ATF2: variants seen among roughly 807,000 people sequenced by gnomAD.
ATF2 encodes activating transcription factor 2.
Under a neutral mutation model 60.6 loss-of-function variants are expected in ATF2, and 24 were observed. That is an observed-to-expected ratio of 0.40 (90% CI 0.29 to 0.56). The LOEUF (loss-of-function observed/expected upper bound fraction) is 0.56, where lower values mean the gene tolerates loss of function less well. Ranked by LOEUF, ATF2 falls within the 20% of genes least tolerant of loss-of-function variation. ATF2 has a pLI of 0.54. For synonymous variants in ATF2, 206 were observed against 215.4 expected (o/e 0.96, Z 0.38); for missense variants, 433 against 607.7 (o/e 0.71, Z 3.02).
intron 2 of ATF2, among the ~76,000 whole-genome samples, chr2:175,141,325 T>C (rs890035620): frequency 6.6e-6 from 1 of 151,734 alleles, no homozygotes; most frequent in African/African-American, 2.4e-5. Flanking sequence ...TTTCCAGGTT[T>C]GAAATGGCAA....
chr2:175,133,148 C>A (rs1284017842), intron 3 of ATF2, among the ~76,000 whole-genome samples: 1 of 151,034 alleles, frequency 6.6e-6, no homozygotes, highest in Non-Finnish European at 1.5e-5. Context: ...TGTGTAGAAA[C>A]TGAAAAATCT....
chr2:175,130,985 CA>C (rs1294486365), intron 3 of ATF2, among the ~76,000 whole-genome samples: 14 of 151,500 alleles, frequency 9.2e-5, no homozygotes, highest in African/African-American at 3.4e-4. Context: ...AAACTTTTGC[CA>C]AAGATTTGAT....
intron 3 of ATF2, among the ~76,000 whole-genome samples, chr2:175,135,006 T>TAAAAA (rs60122560): frequency 1.0e-4 from 9 of 85,782 alleles, no homozygotes; most frequent in Non-Finnish European, 1.9e-4. Context: ...CCCATCTCTT[T>TAAAAA]AAAAAAAAAA....
intron 2 of ATF2, among the ~76,000 whole-genome samples, chr2:175,148,292 G>A (rs780395584): frequency 6.6e-6 from 1 of 152,036 alleles, no homozygotes; most frequent in Non-Finnish European, 1.5e-5. Flanking sequence ...CCTGGAGAGG[G>A]CCCTGAAATG....
chr2:175,146,505 TAGA>T (rs976446594), intron 2 of ATF2, among the ~76,000 whole-genome samples: 20 of 152,334 alleles, frequency 1.3e-4, no homozygotes, highest in Admixed American at 8.5e-4. Context: ...TAAAAACTTA[TAGA>T]AGGAGTTTAA....
At chr2:175,137,367 C>T (rs908965491) in intron 2 of ATF2, among the ~76,000 whole-genome samples, 1 of 152,088 alleles carries the variant, frequency 6.6e-6, no homozygotes, top group African/African-American at 2.4e-5. Flanking sequence ...AAAAAGAACA[C>T]TAGAAAAATC....
chr2:175,153,743 A>G (rs1419857604), intron 1 of ATF2, among the ~76,000 whole-genome samples: 1 of 151,228 alleles, frequency 6.6e-6, no homozygotes, highest in Non-Finnish European at 1.5e-5. Flanking sequence ...GGCAGAGGAG[A>G]ATCGCTTGAA....
chr2:175,083,020 T>C (rs1348729316), intron 12 of ATF2, among the ~76,000 whole-genome samples: 1 of 152,038 alleles, frequency 6.6e-6, no homozygotes, highest in East Asian at 1.9e-4. Context: ...TGGAAGAACA[T>C]TCCATGCTCA....
At chr2:175,109,186 A>G (rs934205149) in intron 10 of ATF2, among the ~76,000 whole-genome samples, 7 of 151,198 alleles carry the variant, frequency 4.6e-5, no homozygotes, top group Non-Finnish European at 5.9e-5. Context: ...AAAAAAAAAA[A>G]AAAAAAAGAC....
intron 4 of ATF2, among the ~76,000 whole-genome samples, chr2:175,124,448 C>T (rs1697183818): frequency 6.6e-6 from 1 of 151,728 alleles, no homozygotes; most frequent in Non-Finnish European, 1.5e-5. Context: ...AAGGCTTGAC[C>T]ACTCTCACCA....
chr2:175,134,875 A>G (rs187079073), intron 3 of ATF2, among the ~76,000 whole-genome samples: 113 of 151,836 alleles, frequency 7.4e-4, no homozygotes, highest in African/African-American at 2.7e-3. Context: ...ATGGTGGTGT[A>G]CACCTGTAGT....
In ATF2 at chr2:175,082,996, A is replaced by T. The variant is rs374708505; in HGVS notation, c.1186-2231T>A. Among the ~76,000 whole-genome samples, 7 of 152,286 alleles carry T rather than the reference A, an allele frequency of 4.6e-5. No individual in the cohort carries two copies. In the East Asian group the frequency reaches 7.7e-4, roughly 17 times the overall value. The stretch of plus-strand genomic sequence containing the variant: ...AAACCACTGCTCAATGAAATAAAAG[A>T]GGATACAAACAAATGGAAGAACATT... On this transcript the variant is annotated intron_variant, in intron 12 of 13. Coordinates refer to ENST00000264110, the MANE Select transcript of ATF2 (RefSeq NM_001880.4).
chr2:175,092,810 G>A (rs545789326), intron 12 of ATF2, among the ~76,000 whole-genome samples: 3 of 152,040 alleles, frequency 2.0e-5, no homozygotes, highest in Admixed American at 6.5e-5. Flanking sequence ...AGTTCAAACC[G>A]GATAGTTTAG....
At chr2:175,130,093 A>G (rs775791827) in intron 4 of ATF2, 45 bp downstream of exon 4, 27 of 1,308,778 alleles carry the variant, frequency 2.1e-5, no homozygotes, top group East Asian at 5.1e-5. Context: ...CAATGTTTTA[A>G]TAAGTGGAAA....
At chr2:175,092,118 C>A (rs1468697805) in intron 12 of ATF2, among the ~76,000 whole-genome samples, 9 of 152,158 alleles carry the variant, frequency 5.9e-5, no homozygotes, top group Non-Finnish European at 1.3e-4. Context: ...ATAAAACTTA[C>A]ATTTGGTTAA....
chr2:175,159,175 C>A (rs62184527), intron 1 of ATF2, among the ~76,000 whole-genome samples: 5 of 151,984 alleles, frequency 3.3e-5, no homozygotes, highest in Admixed American at 2.6e-4. Flanking sequence ...AAAAAATCAG[C>A]GGGGCGTGGT....
intron 11 of ATF2, among the ~76,000 whole-genome samples, chr2:175,093,814 C>G (rs1486232489): frequency 6.6e-6 from 1 of 151,988 alleles, no homozygotes; most frequent in African/African-American, 2.4e-5. Context: ...AGCTTTTCTT[C>G]AGTTTGTGAA....
chr2:175,154,342 T>C (rs1699527540), intron 1 of ATF2, among the ~76,000 whole-genome samples: 1 of 151,916 alleles, frequency 6.6e-6, no homozygotes, highest in Non-Finnish European at 1.5e-5. Flanking sequence ...TCAGTGTCAC[T>C]GTCTTCCACC....
rs777112428 is a variant in ATF2 at position 175,072,956 on chromosome 2, T to C, written c.*1653A>G. On this transcript the variant is annotated 3_prime_UTR_variant, in exon 14 of 14. Coordinates refer to ENST00000264110, the MANE Select transcript of ATF2 (RefSeq NM_001880.4). ...TCCTTGAATTATCAAGGATATTCCA[T>C]ACAGACTTTTAAAATGTCAGTCTCA... The C allele has an allele frequency of 7.2e-5, 11 of 152,144 alleles. No homozygotes were observed. The highest frequency in any genetic ancestry group is 1.2e-4 in the Non-Finnish European group (8 of 68,010). 9.4% of individuals were successfully genotyped at this position (152,144 alleles called of 1,614,324 possible). A position where few individuals can be genotyped will look rare whatever the true frequency, so the allele number is the denominator to read the frequency against.
Sources: gnomAD v4.1 joint callset for allele counts (sites outside exome capture counted in the v4.1 genomes callset) on GRCh38, gnomAD v4.1.1 for gene constraint, MANE v1.5 for transcripts, NCBI Gene and HGNC (gene_info 2026-07-23, HGNC 2026-07-21) for gene names.